Variants in ZNF469 observed in about 807,000 individuals in gnomAD.
ZNF469 encodes zinc finger protein 469.
In ZNF469, 1 loss-of-function variant was observed where a neutral mutation model predicts 1.0. The ratio of observed to expected loss-of-function variants is 1.00; its 90% CI spans 0.35 to 4.73. The LOEUF is 4.73. Ranked by LOEUF, ZNF469 falls within the 30% of genes most tolerant of loss-of-function variation. The probability of loss-of-function intolerance (pLI) is 0.16; values close to 1 mark genes in which losing one functional copy is unlikely to be tolerated. For missense variants in ZNF469, 6,100 were observed against 5,356.3 expected (o/e 1.14, Z -4.33); for synonymous variants, 2,703 against 2,363.4 (o/e 1.14, Z -4.17).
At chr16:88,287,603 C>T in the ZNF469 span, among the ~76,000 whole-genome samples, 11 of 152,340 alleles carry the variant, frequency 7.2e-5, no homozygotes, top group African/African-American at 2.6e-4. Context: ...TATAAATACA[C>T]ATCACTTAAA....
the ZNF469 span, among the ~76,000 whole-genome samples, chr16:88,370,876 C>T: frequency 6.6e-5 from 10 of 152,334 alleles, no homozygotes; most frequent in East Asian, 7.7e-4. Flanking sequence ...GAAAGTTTTG[C>T]TCATGGGGGT....
chr16:88,249,425 T>TTTC, the ZNF469 span, among the ~76,000 whole-genome samples: 3 of 57,156 alleles, frequency 5.2e-5, no homozygotes, highest in African/African-American at 2.3e-4. Context: ...TTCTTTTTCT[T>TTTC]TTTCTTTTTT....
At chr16:88,296,377 TA>T in the ZNF469 span, among the ~76,000 whole-genome samples, 1 of 151,708 alleles carries the variant, frequency 6.6e-6, no homozygotes, top group African/African-American at 2.4e-5. Flanking sequence ...CATGCACACA[TA>T]CACAGGTGCA....
chr16:88,238,050 C>T, the ZNF469 span, among the ~76,000 whole-genome samples: 150,440 of 152,302 alleles, frequency 0.99, 74,326 homozygotes, highest in East Asian at 1. Context: ...GGACCCCAGC[C>T]CATCCATTCA....
chr16:88,131,845 C>A, the ZNF469 span, among the ~76,000 whole-genome samples: 1 of 152,196 alleles, frequency 6.6e-6, no homozygotes, highest in Non-Finnish European at 1.5e-5. Context: ...TCTGTGACCT[C>A]CTGGTGGGGA....
intron 1 of ZNF469, among the ~76,000 whole-genome samples, chr16:88,396,130 C>T (rs1370981990): frequency 6.6e-6 from 1 of 152,224 alleles, no homozygotes; most frequent in Non-Finnish European, 1.5e-5. Flanking sequence ...GGTGCTTGTA[C>T]TTTGGGTCTG....
At chr16:88,185,949 GCA>G in the ZNF469 span, among the ~76,000 whole-genome samples, 17,812 of 150,504 alleles carry the variant, frequency 0.12, 1,389 homozygotes, top group South Asian at 0.23. Context: ...TATAGTACAT[GCA>G]CACACACACG....
At chr16:88,129,007 G>A in the ZNF469 span, among the ~76,000 whole-genome samples, 3 of 152,380 alleles carry the variant, frequency 2.0e-5, no homozygotes, top group East Asian at 1.9e-4. Flanking sequence ...GCATGTTTGC[G>A]TTGAATGATG....
At position 88,431,839 on chromosome 16, in the gene ZNF469, C is replaced by A. The variant is rs1024915751; in HGVS notation, c.4369C>A (p.Pro1457Thr). The A allele has an allele frequency of 1.3e-6, 2 of 1,549,900 alleles. No homozygotes were observed. Among genetic ancestry groups the A allele is most frequent in the Non-Finnish European group, 1.7e-6 (2 of 1,146,926 alleles). ...PPTLESSSLFPDLPVDRFDPP... is the reference protein window; with the variant it reads ...PPTLESSSLFTDLPVDRFDPP... ...GACCTTGGAGTCCTCATCCCTCTTC[C>A]CAGACCTGCCGGTGGACAGATTCGA... is the stretch of plus-strand genomic sequence containing the variant. The change falls in exon 3 of 3, where the codon CCA (proline) becomes ACA (threonine). Residue 1457 changes from proline to threonine, a missense_variant. Pro to Thr is a conservative substitution (Grantham distance 38). Coordinates refer to ENST00000565624, the MANE Select transcript of ZNF469 (RefSeq NM_001367624.2).
the ZNF469 span, among the ~76,000 whole-genome samples, chr16:88,371,034 G>T: frequency 3.9e-5 from 6 of 152,262 alleles, no homozygotes; most frequent in Admixed American, 3.9e-4. Context: ...CCCCAGCCAA[G>T]TGGCTGGCTG....
chr16:88,160,122 A>G, the ZNF469 span, among the ~76,000 whole-genome samples: 1 of 152,172 alleles, frequency 6.6e-6, no homozygotes, highest in African/African-American at 2.4e-5. Context: ...CACAGAACCC[A>G]CCGAAGGGTG....
chr16:88,236,947 A>C, the ZNF469 span, among the ~76,000 whole-genome samples: 3 of 152,042 alleles, frequency 2.0e-5, no homozygotes, highest in African/African-American at 7.3e-5. Context: ...CTTAATTAAT[A>C]AACTATTTTT....
At chr16:88,256,827 TCTTTCTTCCTTCCTTC>T in the ZNF469 span, among the ~76,000 whole-genome samples, 1 of 135,732 alleles carries the variant, frequency 7.4e-6, no homozygotes, top group African/African-American at 2.6e-5. Flanking sequence ...GAGCCTCTTT[TCTTTCTTCCTTCCTTC>T]CTTTCTTCCT....
upstream of ZNF469, among the ~76,000 whole-genome samples, chr16:88,381,030 TCACA>T (rs535214429): frequency 9.8e-6 from 1 of 101,742 alleles, no homozygotes; most frequent in African/African-American, 3.9e-5. Flanking sequence ...AGACATGCAC[TCACA>T]CACATGCACT....
At chr16:88,323,389 T>C in the ZNF469 span, among the ~76,000 whole-genome samples, 1 of 152,226 alleles carries the variant, frequency 6.6e-6, no homozygotes, top group African/African-American at 2.4e-5. Flanking sequence ...GCTGCTTACC[T>C]AGCAAACTCT....
chr16:88,231,312 C>A, the ZNF469 span, among the ~76,000 whole-genome samples: 1 of 152,188 alleles, frequency 6.6e-6, no homozygotes, highest in Non-Finnish European at 1.5e-5. This position sits in a 1 kb window ranked among gnomAD's most constrained non-coding sequence, Gnocchi z 4.5. Context: ...GCTCAGGGAA[C>A]CTGTGTGAAG....
In ZNF469 at chr16:88,431,136, C is replaced by T; in HGVS notation, c.3666C>T (p.Pro1222=). The change falls in exon 3 of 3, where the codon CCC becomes CCT. Residue 1222 remains proline (P), a synonymous_variant. Coordinates refer to ENST00000565624, the MANE Select transcript of ZNF469 (RefSeq NM_001367624.2). ...SEETRPSLDF[P]QEAKEPETAE... Reference sequence around the variant, plus strand: ...AAACCCGCCCGTCGCTGGACTTTCCCCAGGAGGCCAAGGAGCCTGAAACTG... The same window carrying T: ...AAACCCGCCCGTCGCTGGACTTTCCTCAGGAGGCCAAGGAGCCTGAAACTG... 1 of 1,550,306 alleles carries T rather than the reference C, an allele frequency of 6.5e-7. No individual in the cohort carries two copies. The highest frequency in any genetic ancestry group is 8.7e-7 in the Non-Finnish European group (1 of 1,146,952).
At chr16:88,138,698 T>G in the ZNF469 span, among the ~76,000 whole-genome samples, 1 of 152,236 alleles carries the variant, frequency 6.6e-6, no homozygotes, top group Non-Finnish European at 1.5e-5. Flanking sequence ...CTCTTCCTGA[T>G]TTCAGTAAAC....
At chr16:88,322,293 C>G in the ZNF469 span, among the ~76,000 whole-genome samples, 1 of 152,236 alleles carries the variant, frequency 6.6e-6, no homozygotes, top group Non-Finnish European at 1.5e-5. Flanking sequence ...TCACCTGAGG[C>G]CCCACGGCCG....
Sources: allele counts gnomAD v4.1 joint callset (sites outside exome capture counted in the v4.1 genomes callset), GRCh38; gene constraint gnomAD v4.1.1; non-coding constraint Gnocchi (gnomAD v3.1); transcripts MANE v1.5; gene names NCBI Gene and HGNC (gene_info 2026-07-23, HGNC 2026-07-21).